Variants in FHIT observed in about 807,000 individuals in gnomAD.
The protein encoded by FHIT is fragile histidine triad diadenosine triphosphatase, also known as bis(5'-adenosyl)-triphosphatase.
A neutral mutation model predicts 17.9 loss-of-function variants in FHIT; 19 were observed. The observed-to-expected ratio is 1.06, with a 90% CI of 0.74 to 1.56. FHIT has a LOEUF of 1.56. Among genes scored for constraint, FHIT ranks in the 40% most tolerant of loss-of-function variants. The pLI is 0.00. For missense variants in FHIT, 248 were observed against 189.2 expected (o/e 1.31, Z -1.82); for synonymous variants, 81 against 69.7 (o/e 1.16, Z -0.81).
At chr3:60,375,968 C>G (rs945133736) in intron 5 of FHIT, among the ~76,000 whole-genome samples, 1 of 152,072 alleles carries the variant, frequency 6.6e-6, no homozygotes, top group Non-Finnish European at 1.5e-5. Context: ...AATTTTATTC[C>G]TTTTTAATTA....
chr3:61,064,855 T>C (rs2034547464), intron 2 of FHIT, among the ~76,000 whole-genome samples: 1 of 152,164 alleles, frequency 6.6e-6, no homozygotes, highest in Non-Finnish European at 1.5e-5. Context: ...AGGAGAGTCT[T>C]TACCCACAAC....
chr3:60,125,187 C>G (rs58595175), intron 5 of FHIT, among the ~76,000 whole-genome samples: 70,657 of 152,058 alleles, frequency 0.46, 16,829 homozygotes, highest in African/African-American at 0.49. Flanking sequence ...AGATGAAGAG[C>G]CAGCCAGGGT....
intron 1 of FHIT, among the ~76,000 whole-genome samples, chr3:61,250,302 C>G (rs1307085973): frequency 6.6e-6 from 1 of 152,262 alleles, no homozygotes; most frequent in Non-Finnish European, 1.5e-5. Flanking sequence ...TCCGGCTTAA[C>G]ATCAGGTGCG....
chr3:59,806,429 C>A (rs1477267447), intron 8 of FHIT, among the ~76,000 whole-genome samples: 1 of 152,016 alleles, frequency 6.6e-6, no homozygotes, highest in Non-Finnish European at 1.5e-5. Flanking sequence ...AATTTATACT[C>A]TTTCCAATGC....
At position 60,531,341 on chromosome 3, in the gene FHIT, C is replaced by A. The variant is rs183830050; in HGVS notation, c.103+5519G>T. 2.7e-3 allele frequency among the ~76,000 whole-genome samples: 375 copies of A among 137,324 alleles called. 8 individuals carry two copies. In the East Asian group the frequency reaches 0.064, roughly 23 times the overall value. The allele number at this position is 137,324 out of a possible 152,430, so 90.1% of individuals were successfully genotyped here. A position where few individuals can be genotyped will look rare whatever the true frequency, so the allele number is the denominator to read the frequency against. ...TCGCCCAGGCTGGAGTGCAGTGGTG[C>A]GATCTAGGCTCACTGCAAGCTCCGC... On this transcript the variant is annotated intron_variant, in intron 5 of 9. Transcript: ENST00000492590.
At chr3:60,698,412 C>T (rs2041163313) in intron 4 of FHIT, among the ~76,000 whole-genome samples, 1 of 152,130 alleles carries the variant, frequency 6.6e-6, no homozygotes, top group Non-Finnish European at 1.5e-5. Context: ...AGGTGTGCGG[C>T]TTCTGAGATA....
intron 5 of FHIT, among the ~76,000 whole-genome samples, chr3:60,116,350 T>C (rs1024252750): frequency 1.5e-4 from 23 of 152,190 alleles, no homozygotes; most frequent in African/African-American, 5.3e-4. Context: ...CCCCATCTCA[T>C]GGAACAGTGG....
chr3:60,805,654 C>T (rs1472789413), intron 4 of FHIT, among the ~76,000 whole-genome samples: 2 of 152,114 alleles, frequency 1.3e-5, no homozygotes, highest in East Asian at 1.9e-4. Flanking sequence ...CTCCTGGGTT[C>T]GTGCCATTCT....
At chr3:60,509,698 C>T (rs2034871917) in intron 5 of FHIT, among the ~76,000 whole-genome samples, 1 of 152,184 alleles carries the variant, frequency 6.6e-6, no homozygotes, top group South Asian at 2.1e-4. Context: ...TTTCATATTG[C>T]CTTCACATGA....
chr3:60,644,589 C>T (rs2039809604), intron 4 of FHIT, among the ~76,000 whole-genome samples: 1 of 152,164 alleles, frequency 6.6e-6, no homozygotes, highest in South Asian at 2.1e-4. Context: ...TAAAACACAA[C>T]ATTTTACTCT....
intron 7 of FHIT, among the ~76,000 whole-genome samples, chr3:59,988,388 T>C (rs12107803): frequency 0.064 from 9,788 of 152,202 alleles, 386 homozygotes; most frequent in African/African-American, 0.11. Context: ...CTATTGTTGG[T>C]TTATGTGTAA....
intron 5 of FHIT, among the ~76,000 whole-genome samples, chr3:60,151,948 C>T (rs1700484926): frequency 6.6e-6 from 1 of 152,118 alleles, no homozygotes; most frequent in African/African-American, 2.4e-5. Flanking sequence ...AATATAATCC[C>T]TATGGGCACA....
intron 5 of FHIT, among the ~76,000 whole-genome samples, chr3:60,425,084 GTAGA>G (rs1175330121): frequency 6.6e-6 from 1 of 152,032 alleles, no homozygotes; most frequent in Non-Finnish European, 1.5e-5. Context: ...TTCCTAGGTG[GTAGA>G]AACACATGGA....
chr3:59,954,221 G>GTT (rs5849313), intron 7 of FHIT, among the ~76,000 whole-genome samples: 9,635 of 120,856 alleles, frequency 0.08, 633 homozygotes, highest in South Asian at 0.14. Context: ...ATTTTGTTCT[G>GTT]TTTTTTTTTC....
intron 3 of FHIT, among the ~76,000 whole-genome samples, chr3:60,869,919 T>C (rs1373908089): frequency 6.6e-6 from 1 of 152,118 alleles, no homozygotes; most frequent in Non-Finnish European, 1.5e-5. Context: ...CAAGGGGCCC[T>C]CAGTACCCTG....
intron 2 of FHIT, among the ~76,000 whole-genome samples, chr3:61,067,893 T>C (rs555236567): frequency 2.0e-4 from 30 of 152,248 alleles, no homozygotes; most frequent in African/African-American, 5.3e-4. Flanking sequence ...GCAACAAAAG[T>C]AAGAAATGCA....
chr3:60,920,350 A>G (rs1414285082), intron 3 of FHIT, among the ~76,000 whole-genome samples: 1 of 152,208 alleles, frequency 6.6e-6, no homozygotes, highest in African/African-American at 2.4e-5. Flanking sequence ...GCATTAGCTT[A>G]GTATTTCATA....
chr3:59,999,891 A>G (rs536794814), intron 7 of FHIT, among the ~76,000 whole-genome samples: 2 of 152,272 alleles, frequency 1.3e-5, no homozygotes, highest in South Asian at 4.1e-4. Flanking sequence ...TACAGGTGTG[A>G]GCCACTGTTC....
At chr3:60,472,511 G>T (rs970156522) in intron 5 of FHIT, among the ~76,000 whole-genome samples, 7 of 151,860 alleles carry the variant, frequency 4.6e-5, no homozygotes, top group African/African-American at 1.7e-4. Flanking sequence ...TGGGACTACA[G>T]GCACCTGCCA....
Sources: gnomAD v4.1 joint callset for allele counts (sites outside exome capture counted in the v4.1 genomes callset) on GRCh38, gnomAD v4.1.1 for gene constraint, MANE v1.5 for transcripts, NCBI Gene and HGNC (gene_info 2026-07-23, HGNC 2026-07-21) for gene names.